FOXK2: variants seen among roughly 807,000 people sequenced by gnomAD.
FOXK2 encodes forkhead box protein K2.
In FOXK2, 24 loss-of-function variants were observed where a neutral mutation model predicts 53.3. The observed-to-expected ratio is 0.45, with a 90% confidence interval of 0.33 to 0.63. The LOEUF (loss-of-function observed/expected upper bound fraction) is 0.63. Ranked by LOEUF, FOXK2 falls within the 30% of genes least tolerant of loss-of-function variation. FOXK2 has a pLI of 0.03. For missense variants in FOXK2, 952 were observed against 910.5 expected (o/e 1.05, Z -0.59); for synonymous variants, 505 against 407.1 (o/e 1.24, Z -2.89).
At chr17:82,572,358 T>TA (rs2044927601) in intron 4 of FOXK2, among the ~76,000 whole-genome samples, 1 of 152,310 alleles carries the variant, frequency 6.6e-6, no homozygotes, top group South Asian at 2.1e-4. Flanking sequence ...TTGGCCGGGG[T>TA]AAAAAACAGA....
intron 2 of FOXK2, 42 bp from the exon 3 acceptor site, chr17:82,568,012 C>G: frequency 6.5e-7 from 1 of 1,532,702 alleles, no homozygotes; most frequent in Non-Finnish European, 8.7e-7. Context: ...AGGATGCGTG[C>G]ACTGTGATAG....
At chr17:82,590,907 G>C (rs1039468327) in intron 8 of FOXK2, among the ~76,000 whole-genome samples, 1 of 152,174 alleles carries the variant, frequency 6.6e-6, no homozygotes, top group Admixed American at 6.5e-5. Context: ...TCAGCACCAC[G>C]AGCAGATAGG....
At chr17:82,560,516 G>A (rs1285029651) in intron 1 of FOXK2, among the ~76,000 whole-genome samples, 2 of 152,050 alleles carry the variant, frequency 1.3e-5, no homozygotes, top group African/African-American at 4.8e-5. Context: ...CCCTGGCGCT[G>A]TGGTGCAGCT....
chr17:82,529,433 A>G (rs1343976199), intron 1 of FOXK2, among the ~76,000 whole-genome samples: 1 of 146,778 alleles, frequency 6.8e-6, no homozygotes, highest in African/African-American at 2.5e-5. Flanking sequence ...TCTGTCGTCC[A>G]GGCTGGAATG....
At chr17:82,585,685 A>T (rs1277286678) in intron 6 of FOXK2, among the ~76,000 whole-genome samples, 1 of 152,228 alleles carries the variant, frequency 6.6e-6, no homozygotes, top group African/African-American at 2.4e-5. Flanking sequence ...AAATAGAGCC[A>T]AAATTGCATT....
chr17:82,601,530 A>T lies in FOXK2; in HGVS notation c.*31A>T, dbSNP rs1285724279. 5.7e-6 allele frequency: 9 copies of T among 1,570,398 alleles called. No individual in the cohort carries two copies. The highest frequency in any genetic ancestry group is 6.9e-6 in the Non-Finnish European group (8 of 1,156,636). On this transcript the variant is annotated 3_prime_UTR_variant, in exon 9 of 9. Transcript: ENST00000335255. ...GGGAGAGCTTTTCTTTAACGATATC[A>T]ACTCTGTGGTGCCAAAAGGAGACGC... is the stretch of plus-strand genomic sequence containing the variant.
intron 4 of FOXK2, among the ~76,000 whole-genome samples, 181 bp from the exon 5 acceptor site, chr17:82,582,560 C>T (rs920935065): frequency 1.3e-5 from 2 of 152,130 alleles, no homozygotes; most frequent in Non-Finnish European, 2.9e-5. Flanking sequence ...ATGGGCCTTC[C>T]TTAAATCTTG....
At chr17:82,535,140 A>G (rs1367093854) in intron 1 of FOXK2, among the ~76,000 whole-genome samples, 2 of 152,158 alleles carry the variant, frequency 1.3e-5, no homozygotes, top group Non-Finnish European at 2.9e-5. Context: ...TCAGCCTCCT[A>G]AAGTGCTGGG....
chr17:82,520,456 C>G, intron 1 of FOXK2, 149 bp downstream of exon 1: 1 of 673,658 alleles, frequency 1.5e-6, no homozygotes, highest in Non-Finnish European at 2.1e-6. Flanking sequence ...CAGGCCCCGG[C>G]TGGATCCCAA....
intron 6 of FOXK2, among the ~76,000 whole-genome samples, chr17:82,584,757 G>C (rs958563085): frequency 6.6e-6 from 1 of 152,122 alleles, no homozygotes; most frequent in African/African-American, 2.4e-5. Flanking sequence ...TGTTGGCCAG[G>C]ATGGTCTCAA....
At chr17:82,534,246 G>GA (rs201134475) in intron 1 of FOXK2, among the ~76,000 whole-genome samples, 137 of 150,722 alleles carry the variant, frequency 9.1e-4, no homozygotes, top group Non-Finnish European at 1.4e-3. Context: ...ACCTCGACTC[G>GA]AAAAAAAAAG....
intron 1 of FOXK2, among the ~76,000 whole-genome samples, chr17:82,553,145 A>G (rs1172911679): frequency 6.6e-6 from 1 of 152,240 alleles, no homozygotes; most frequent in Non-Finnish European, 1.5e-5. Flanking sequence ...TATGTTGGCC[A>G]GGCTGATCTC....
Position 82,590,161 on chromosome 17 carries a change from CAGAG to C in FOXK2, c.1786+2894_1786+2897del, listed in dbSNP as rs758753528. ...AGTTGAGCAGATGAGAGAGGCTGTT[CAGAG>C]AGAGGAGGTGGCAGATGGGCTTTAA... On this transcript the variant is annotated intron_variant, in intron 8 of 8. Coordinates refer to ENST00000335255, the MANE Select transcript of FOXK2 (RefSeq NM_004514.4). Among the ~76,000 whole-genome samples, 7 of 152,074 alleles carry C rather than the reference CAGAG, an allele frequency of 4.6e-5. 1 individual carries two copies. In the East Asian group the frequency reaches 1.3e-3, roughly 29 times the overall value.
intron 1 of FOXK2, among the ~76,000 whole-genome samples, chr17:82,549,664 A>C (rs139034389): frequency 6.6e-6 from 1 of 152,300 alleles, no homozygotes; most frequent in Non-Finnish European, 1.5e-5. Flanking sequence ...CTCCAAGCCA[A>C]AGGAAAACTC....
chr17:82,565,542 G>A (rs1045930510), intron 2 of FOXK2, among the ~76,000 whole-genome samples: 1 of 152,112 alleles, frequency 6.6e-6, no homozygotes, highest in Non-Finnish European at 1.5e-5. Flanking sequence ...TGGCCAATAA[G>A]GACATGAAAA....
At chr17:82,582,120 G>A (rs1164463989) in intron 4 of FOXK2, among the ~76,000 whole-genome samples, 1 of 152,084 alleles carries the variant, frequency 6.6e-6, no homozygotes, top group Non-Finnish European at 1.5e-5. Context: ...AATTCTGTGC[G>A]AAAAAGTATT....
chr17:82,551,960 G>C (rs1357473949), intron 1 of FOXK2, among the ~76,000 whole-genome samples: 1 of 152,232 alleles, frequency 6.6e-6, no homozygotes. Context: ...TCCTTGGACT[G>C]TGGGGAAGCA....
At chr17:82,567,926 CTTTTT>C (rs3065019) in intron 2 of FOXK2, 123 bp from the exon 3 acceptor site, 59,021 of 421,748 alleles carry the variant, frequency 0.14, 2,530 homozygotes, top group East Asian at 0.33. Flanking sequence ...TATTCTCTTC[CTTTTT>C]TTTTTTTTTT....
At chr17:82,571,446 C>CA (rs1567977979) in intron 3 of FOXK2, among the ~76,000 whole-genome samples, 1 of 151,954 alleles carries the variant, frequency 6.6e-6, no homozygotes, top group Non-Finnish European at 1.5e-5. Context: ...ACTAAAACCA[C>CA]AAAAATTAGC....
Sources: allele counts gnomAD v4.1 joint callset (sites outside exome capture counted in the v4.1 genomes callset), GRCh38; gene constraint gnomAD v4.1.1; transcripts MANE v1.5; gene names NCBI Gene and HGNC (gene_info 2026-07-23, HGNC 2026-07-21).